SPG21: variants seen among roughly 807,000 people sequenced by gnomAD.
SPG21 encodes the protein maspardin.
In SPG21, 26 loss-of-function variants were observed where a neutral mutation model predicts 38.9. The ratio of observed to expected loss-of-function variants is 0.67; its 90% CI spans 0.49 to 0.93. The LOEUF (loss-of-function observed/expected upper bound fraction) is 0.93. Ranked by LOEUF, SPG21 falls within the 40% of genes least tolerant of loss-of-function variation. SPG21 has a pLI of 0.00. For synonymous variants in SPG21, 136 were observed against 128.9 expected (o/e 1.05, Z -0.37); for missense variants, 333 against 376.5 (o/e 0.88, Z 0.96).
intron 2 of SPG21, chr15:64,981,274 T>A: frequency 2.2e-6 from 1 of 455,408 alleles, no homozygotes; most frequent in Non-Finnish European, 3.9e-6. Context: ...GCTTCTCTGT[T>A]TCTTCCCCCT....
intron 6 of SPG21, 66 bp from the exon 7 acceptor site, chr15:64,969,428 C>A (rs1281009660): frequency 1.3e-5 from 15 of 1,146,176 alleles, no homozygotes; most frequent in Non-Finnish European, 2.0e-5. Flanking sequence ...ATTAAATCCA[C>A]AGACAACATT....
chr15:64,983,356 G>T (rs1430048247), intron 2 of SPG21, 151 bp downstream of exon 2: 11 of 621,970 alleles, frequency 1.8e-5, no homozygotes, highest in Non-Finnish European at 3.0e-5. Context: ...GTACATGACA[G>T]GGAAGGAGTG....
At chr15:64,970,326 A>T in intron 5 of SPG21, 104 bp from the exon 6 acceptor site, 1 of 992,336 alleles carries the variant, frequency 1.0e-6, no homozygotes, top group African/African-American at 1.6e-5. Context: ...AGAAATAAAA[A>T]GTCCTAATCC....
intron 2 of SPG21, chr15:64,981,297 T>C: frequency 2.4e-6 from 1 of 410,110 alleles, no homozygotes; most frequent in Non-Finnish European, 4.5e-6. Context: ...TCCTTTTTTT[T>C]TTTTTTTTTT....
intron 2 of SPG21, chr15:64,983,122 G>T: frequency 3.5e-6 from 1 of 288,212 alleles, no homozygotes; most frequent in South Asian, 2.7e-5. Context: ...GCTGAGTGTG[G>T]TAGCGCATGC....
intron 7 of SPG21, 47 bp downstream of exon 7, chr15:64,969,208 C>A: frequency 7.9e-7 from 1 of 1,257,868 alleles, no homozygotes; most frequent in Non-Finnish European, 1.2e-6. Context: ...TCTTGACATA[C>A]ACATTTTAAA....
At chr15:64,987,067 A>C (rs1044179772) in intron 1 of SPG21, 1 of 152,240 alleles carries the variant, frequency 6.6e-6, no homozygotes, top group African/African-American at 2.4e-5. Context: ...ATCAGTTGCA[A>C]TGCACAAACC....
intron 4 of SPG21, among the ~76,000 whole-genome samples, chr15:64,976,050 ATAC>A (rs1236356443): frequency 2.6e-5 from 4 of 152,380 alleles, no homozygotes; most frequent in African/African-American, 9.6e-5. Context: ...ACCTGGGAGT[ATAC>A]TGAAAAACAT....
chr15:64,968,301 C>T (rs891368387), intron 7 of SPG21, among the ~76,000 whole-genome samples: 1 of 140,112 alleles, frequency 7.1e-6, no homozygotes, highest in African/African-American at 2.6e-5. Flanking sequence ...GATTGCACCA[C>T]TGCACTCCAG....
Position 64,965,320 on chromosome 15 carries a change from C to T in SPG21, c.810G>A (p.Gln270=), listed in dbSNP as rs1158448329. The T allele has an allele frequency of 1.9e-6, 3 of 1,614,082 alleles. No individual in the cohort carries two copies. Among genetic ancestry groups the T allele is most frequent in the Non-Finnish European group, 2.5e-6 (3 of 1,180,032 alleles). Residue 270 remains glutamine (Q), a splice_region_variant and synonymous_variant, in exon 8 of 9, where the codon CAG becomes CAA. Transcript: ENST00000204566. ...CTCTGGGTTTCAAGCTAGGCCTTAC[C>T]TGTACATAAAGATTGACCTCTGCAC... ...CRSAEVNLYV[Q]IHLLQFHGTK...
At chr15:64,978,679 A>G (rs548322911) in intron 3 of SPG21, among the ~76,000 whole-genome samples, 2 of 152,210 alleles carry the variant, frequency 1.3e-5, no homozygotes, top group Non-Finnish European at 2.9e-5. Flanking sequence ...ACCTAGCAGA[A>G]AGTTTGAGAA....
intron 3 of SPG21, among the ~76,000 whole-genome samples, chr15:64,978,880 A>G (rs184889662): frequency 1.3e-5 from 2 of 152,330 alleles, no homozygotes; most frequent in Admixed American, 6.5e-5. Flanking sequence ...CCTGGTTGTG[A>G]TTTTGTACTA....
Position 64,963,679 on chromosome 15 carries a change from T to G in SPG21, c.868A>C (p.Ser290Arg). 1 of 1,614,198 alleles carries G rather than the reference T, an allele frequency of 6.2e-7. No individual in the cohort carries two copies. The highest frequency in any genetic ancestry group is 8.5e-7 in the Non-Finnish European group (1 of 1,180,036). Residue 290 changes from serine (S) to arginine (R), a missense_variant, in exon 9 of 9, where the codon AGT becomes CGT. Transcript: ENST00000204566. ...TTCTGCACCTCAAGCTCCTCGGCAC[T>G]GACCATTGATGGGTCAATGGCCGCG... ...KYAAIDPSMVSAEELEVQKGS... is the reference protein window; with the variant it reads ...KYAAIDPSMVRAEELEVQKGS...
intron 7 of SPG21, among the ~76,000 whole-genome samples, chr15:64,965,671 G>A (rs560027175): frequency 6.6e-6 from 1 of 152,078 alleles, no homozygotes; most frequent in African/African-American, 2.4e-5. Flanking sequence ...TCCAACCGAA[G>A]ACATTAGCTA....
chr15:64,975,303 A>G (rs577244439), intron 4 of SPG21, among the ~76,000 whole-genome samples: 10 of 150,248 alleles, frequency 6.7e-5, no homozygotes, highest in Admixed American at 5.3e-4. Context: ...AAAAAAAAAA[A>G]AGAAAAGAAA....
At chr15:64,966,427 C>T (rs2140408552) in intron 7 of SPG21, among the ~76,000 whole-genome samples, 1 of 152,282 alleles carries the variant, frequency 6.6e-6, no homozygotes, top group African/African-American at 2.4e-5. Context: ...ACCATGAACC[C>T]AGGCAGTGAG....
At position 64,963,638 on chromosome 15, in the gene SPG21, G is replaced by A. The variant is rs367966974; in HGVS notation, c.909C>T (p.Ile303=). 9 of 1,613,860 alleles carry A rather than the reference G, an allele frequency of 5.6e-6. No individual in the cohort carries two copies. Among genetic ancestry groups the A allele is most frequent in the Non-Finnish European group, 7.6e-6 (9 of 1,179,966 alleles). The change falls in exon 9 of 9, where the codon ATC becomes ATT. Residue 303 remains isoleucine, a synonymous_variant. Coordinates refer to ENST00000204566, the MANE Select transcript of SPG21 (RefSeq NM_016630.7). ...AGACACACTACTGCTCCTCCTGGCTGATGCCAAGGCTGCCTTTCTGCACCT... is the reference window on the plus strand; with the variant it reads ...AGACACACTACTGCTCCTCCTGGCTAATGCCAAGGCTGCCTTTCTGCACCT... ...ELEVQKGSLG[I]SQEEQ
chr15:64,979,028 G>T (rs1467055548), intron 3 of SPG21, among the ~76,000 whole-genome samples: 2 of 152,160 alleles, frequency 1.3e-5, no homozygotes, highest in Non-Finnish European at 2.9e-5. Context: ...CATTTTAACT[G>T]CTAGATACTA....
chr15:64,976,307 C>CTGAG lies in SPG21; in HGVS notation c.306+167_306+168insCTCA, dbSNP rs1282888733. On this transcript the variant is annotated intron_variant, in intron 4 of 8. Coordinates refer to ENST00000204566, the MANE Select transcript of SPG21 (RefSeq NM_016630.7). ...GGGCATGGTGGCACACGCCTGTAAT[C>CTGAG]CCAGCTATTTTGGAGACTGAGGCAG... is the stretch of plus-strand genomic sequence containing the variant. Among the ~76,000 whole-genome samples, 4 of 152,296 alleles carry CTGAG rather than the reference C, an allele frequency of 2.6e-5. No homozygotes were observed. In the East Asian group the frequency reaches 7.7e-4, roughly 29 times the overall value.
Sources: allele counts gnomAD v4.1 joint callset (sites outside exome capture counted in the v4.1 genomes callset), GRCh38; gene constraint gnomAD v4.1.1; transcripts MANE v1.5; gene names NCBI Gene and HGNC (gene_info 2026-07-23, HGNC 2026-07-21).